The following SEPTIN9 variants were observed in gnomAD, a reference collection of about 807,000 sequenced individuals.
The protein encoded by SEPTIN9 is septin-9.
Under a neutral mutation model 56.6 loss-of-function variants are expected in SEPTIN9, and 13 were observed. That is an observed-to-expected ratio of 0.23 (90% CI 0.15 to 0.37). The LOEUF is 0.37. SEPTIN9 is among the 10% of genes least tolerant of loss of function. SEPTIN9 has a pLI of 1.00. For missense variants in SEPTIN9, 650 were observed against 823.1 expected, an observed-to-expected ratio of 0.79 and a Z score of 2.57; for synonymous variants, 332 against 334.1, an observed-to-expected ratio of 0.99 and a Z score of 0.07.
At chr17:77,361,731 C>G (rs1398466814) in intron 2 of SEPTIN9, among the ~76,000 whole-genome samples, 1 of 152,058 alleles carries the variant, frequency 6.6e-6, no homozygotes, top group Non-Finnish European at 1.5e-5. Context: ...CTCCCAGGTT[C>G]ACGCCATTCT....
chr17:77,390,847 C>T (rs951677148), intron 2 of SEPTIN9, among the ~76,000 whole-genome samples: 4 of 152,174 alleles, frequency 2.6e-5, no homozygotes, highest in East Asian at 3.9e-4. Context: ...CCAGGTAGGG[C>T]GACCGTATAA....
intron 2 of SEPTIN9, among the ~76,000 whole-genome samples, chr17:77,316,205 G>A (rs9912787): frequency 0.4 from 61,264 of 151,796 alleles, 13,688 homozygotes; most frequent in East Asian, 0.53. Flanking sequence ...CTGGCCTGGT[G>A]AAGTGCCCCC....
intron 2 of SEPTIN9, among the ~76,000 whole-genome samples, chr17:77,364,476 C>A (rs538573733): frequency 2.6e-5 from 4 of 152,356 alleles, no homozygotes; most frequent in African/African-American, 9.6e-5. Flanking sequence ...AACGTCGGTG[C>A]CTTTGCACTG....
intron 3 of SEPTIN9, among the ~76,000 whole-genome samples, chr17:77,428,406 A>G (rs1291342891): frequency 6.6e-6 from 1 of 152,166 alleles, no homozygotes; most frequent in Non-Finnish European, 1.5e-5. Flanking sequence ...CACTGTACCT[A>G]CTGGCAGATC....
rs534780470 is a variant in SEPTIN9, at chr17:77,480,095, G to T, written c.722-2049G>T. ...GGTGGGGGCCACGTGGGGGCACAGA[G>T]AGAGGAGCCCTGGCCTCCAGGTCCG... On this transcript the variant is annotated intron_variant, in intron 3 of 11. Coordinates refer to ENST00000427177, the MANE Select transcript of SEPTIN9 (RefSeq NM_001113491.2). Among the ~76,000 whole-genome samples, 22 of 152,318 alleles carry T rather than the reference G, an allele frequency of 1.4e-4. No individual in the cohort carries two copies. In the East Asian group the frequency reaches 4.3e-3, roughly 29 times the overall value.
intron 3 of SEPTIN9, among the ~76,000 whole-genome samples, chr17:77,461,141 G>A (rs1392313729): frequency 6.6e-6 from 1 of 151,752 alleles, no homozygotes; most frequent in Non-Finnish European, 1.5e-5. Context: ...CCTACCTCTA[G>A]TAAAAATACA....
chr17:77,301,052 C>T (rs1240531336), intron 1 of SEPTIN9, among the ~76,000 whole-genome samples: 1 of 109,520 alleles, frequency 9.1e-6, no homozygotes, highest in Non-Finnish European at 1.8e-5. Flanking sequence ...CAGGCTCAAA[C>T]CGCTCCCACC....
chr17:77,334,861 T>C (rs1465767063), intron 2 of SEPTIN9, among the ~76,000 whole-genome samples: 8 of 152,240 alleles, frequency 5.3e-5, no homozygotes, highest in Non-Finnish European at 1.0e-4. Context: ...TCATATCCAG[T>C]TCTAGCACCG....
intron 3 of SEPTIN9, among the ~76,000 whole-genome samples, chr17:77,427,906 G>A (rs2036974241): frequency 6.6e-6 from 1 of 152,198 alleles, no homozygotes; most frequent in African/African-American, 2.4e-5. Flanking sequence ...CTCATCATGT[G>A]CAAGGTCCTG....
Position 77,402,880 on chromosome 17 carries a change from CTCTG to C in SEPTIN9, c.721+182_721+185del. ...CTGCAAGCTCAGGAGAGGTGGCTCT[CTCTG>C]TCTGATGGGAACATGCCAAGATGCC... is the stretch of plus-strand genomic sequence containing the variant. On this transcript the variant is annotated intron_variant, in intron 3 of 11. Coordinates refer to ENST00000427177, the MANE Select transcript of SEPTIN9 (RefSeq NM_001113491.2). This position sits in a 1 kb window ranked among gnomAD's most constrained non-coding sequence, Gnocchi z 6.6. Among the ~76,000 whole-genome samples the C allele has an allele frequency of 6.6e-6, 1 of 152,288 alleles. No homozygotes were observed. Among genetic ancestry groups the C allele is most frequent in the East Asian group, 1.9e-4 (1 of 5,190 alleles).
intron 3 of SEPTIN9, among the ~76,000 whole-genome samples, chr17:77,460,088 T>G: frequency 6.7e-6 from 1 of 149,704 alleles, no homozygotes. Flanking sequence ...CCCCAGGCCT[T>G]ACCTCCAACA....
chr17:77,287,897 C>T (rs1249030037), intron 1 of SEPTIN9: 2 of 1,036,652 alleles, frequency 1.9e-6, no homozygotes, highest in Non-Finnish European at 2.3e-6. Context: ...AGTCACTGGG[C>T]GGCCCTTAGA....
chr17:77,464,815 A>G (rs1473484278), intron 3 of SEPTIN9, among the ~76,000 whole-genome samples: 4 of 151,458 alleles, frequency 2.6e-5, no homozygotes, highest in Non-Finnish European at 4.4e-5. Flanking sequence ...CCGTGGTCTC[A>G]ATCTCCTGAC....
chr17:77,370,509 G>T (rs1308730971), intron 2 of SEPTIN9, among the ~76,000 whole-genome samples: 1 of 152,130 alleles, frequency 6.6e-6, no homozygotes, highest in Non-Finnish European at 1.5e-5. Context: ...GTTCCAAGTG[G>T]GCATATCTTT....
At chr17:77,335,288 G>A (rs71384165) in intron 2 of SEPTIN9, among the ~76,000 whole-genome samples, 4 of 145,812 alleles carry the variant, frequency 2.7e-5, no homozygotes, top group South Asian at 2.2e-4. Context: ...ATGTGGTCCT[G>A]TATTAGTATA....
chr17:77,457,064 C>T (rs2038236765), intron 3 of SEPTIN9, among the ~76,000 whole-genome samples: 1 of 152,222 alleles, frequency 6.6e-6, no homozygotes, highest in South Asian at 2.1e-4. Flanking sequence ...ATTCTGGAAT[C>T]AGACACACCT....
chr17:77,314,475 C>T (rs1390550000), intron 2 of SEPTIN9, among the ~76,000 whole-genome samples: 2 of 151,624 alleles, frequency 1.3e-5, no homozygotes, highest in African/African-American at 4.9e-5. Context: ...TGAGCCACCA[C>T]ACCCAGCAGG....
chr17:77,393,204 G>T (rs562269825), intron 2 of SEPTIN9, among the ~76,000 whole-genome samples: 3 of 152,220 alleles, frequency 2.0e-5, no homozygotes, highest in Non-Finnish European at 4.4e-5. Context: ...TGTGACCACA[G>T]GTGGCTGCCC....
intron 1 of SEPTIN9, among the ~76,000 whole-genome samples, chr17:77,286,616 C>G (rs2031291658): frequency 1.3e-5 from 2 of 152,216 alleles, no homozygotes; most frequent in Non-Finnish European, 2.9e-5. Context: ...TTGGGCTGCC[C>G]TCCTCTGACA....
Sources: allele counts gnomAD v4.1 joint callset (sites outside exome capture counted in the v4.1 genomes callset), GRCh38; gene constraint gnomAD v4.1.1; non-coding constraint Gnocchi (gnomAD v3.1); transcripts MANE v1.5; gene names NCBI Gene and HGNC (gene_info 2026-07-23, HGNC 2026-07-21).